The following GPC5 variants were observed in gnomAD, a reference collection of about 807,000 sequenced individuals.
GPC5 encodes glypican-5.
GPC5 carries 47 observed loss-of-function variants against 53.9 expected under a neutral mutation model. That is an observed-to-expected ratio of 0.87 (90% CI 0.69 to 1.11). The LOEUF (loss-of-function observed/expected upper bound fraction) is 1.11. Ranked by LOEUF, GPC5 falls within the 50% of genes most tolerant of loss-of-function variation. The pLI, the probability that GPC5 is intolerant of heterozygous loss-of-function variation, is 0.00. For missense variants in GPC5, 748 were observed against 713.1 expected (o/e 1.05, Z -0.56); for synonymous variants, 286 against 263.3 (o/e 1.09, Z -0.84).
At chr13:92,455,257 T>A (rs1332966136) in intron 7 of GPC5, among the ~76,000 whole-genome samples, 1 of 152,170 alleles carries the variant, frequency 6.6e-6, no homozygotes, top group Non-Finnish European at 1.5e-5. Flanking sequence ...CTATGACCAT[T>A]CATAAATATA....
intron 7 of GPC5, among the ~76,000 whole-genome samples, chr13:92,768,957 C>A (rs920667274): frequency 2.6e-5 from 4 of 152,090 alleles, no homozygotes; most frequent in African/African-American, 9.7e-5. Flanking sequence ...CCATAGATCA[C>A]CCGTGCTGAC....
chr13:91,446,356 C>G (rs1880802504), intron 1 of GPC5, among the ~76,000 whole-genome samples: 1 of 152,152 alleles, frequency 6.6e-6, no homozygotes, highest in South Asian at 2.1e-4. Context: ...TTGAAGTCTC[C>G]TTCATTGAGG....
At chr13:92,159,441 T>G (rs191697944) in intron 7 of GPC5, among the ~76,000 whole-genome samples, 1 of 152,230 alleles carries the variant, frequency 6.6e-6, no homozygotes, top group African/African-American at 2.4e-5. Context: ...GGGCGGGGAC[T>G]CAGGTATGAG....
At chr13:91,546,520 T>C (rs538692386) in intron 2 of GPC5, among the ~76,000 whole-genome samples, 2 of 152,100 alleles carry the variant, frequency 1.3e-5, no homozygotes, top group East Asian at 3.9e-4. Context: ...TTTTAATCAA[T>C]TTTTTAAAAT....
intron 7 of GPC5, among the ~76,000 whole-genome samples, chr13:92,290,809 C>T (rs539333803): frequency 4.2e-4 from 64 of 152,328 alleles, no homozygotes; most frequent in Middle Eastern, 3.4e-3. Context: ...CCCTTCAGCC[C>T]GCTGCTGCAC....
At chr13:92,269,436 C>T (rs1249320136) in intron 7 of GPC5, among the ~76,000 whole-genome samples, 1 of 151,714 alleles carries the variant, frequency 6.6e-6, no homozygotes, top group Non-Finnish European at 1.5e-5. Flanking sequence ...GACAGAGTCT[C>T]GCTCTGTCGT....
At position 92,456,156 on chromosome 13, in the gene GPC5, T is replaced by C. The variant is rs1031702775; in HGVS notation, c.1561+311167T>C. Among the ~76,000 whole-genome samples the C allele has an allele frequency of 4.0e-4, 61 of 151,780 alleles. 1 individual carries two copies. Among genetic ancestry groups the C allele is most frequent in the African/African-American group, 1.4e-3 (58 of 41,282 alleles). On this transcript the variant is annotated intron_variant, in intron 7 of 7. Transcript: ENST00000377067. ...GTGTTGATGTCGGCCAAAAGTTGATTTTCCCAGATAGTGACTGCCACATTC... is the reference window on the plus strand; with the variant it reads ...GTGTTGATGTCGGCCAAAAGTTGATCTTCCCAGATAGTGACTGCCACATTC...
intron 6 of GPC5, among the ~76,000 whole-genome samples, chr13:92,117,302 G>C (rs2041609243): frequency 6.6e-6 from 1 of 152,068 alleles, no homozygotes; most frequent in South Asian, 2.1e-4. Flanking sequence ...CTATATTTGT[G>C]TAATTTTATT....
intron 7 of GPC5, among the ~76,000 whole-genome samples, chr13:92,381,947 T>TCATATATATGATATATATA (rs2043750833): frequency 8.9e-6 from 1 of 112,390 alleles, no homozygotes; most frequent in African/African-American, 4.4e-5. Flanking sequence ...TATGAAATAA[T>TCATATATATGATATATATA]ATCTATGTAT....
chr13:91,581,798 C>T (rs1340422159), intron 2 of GPC5, among the ~76,000 whole-genome samples: 1 of 152,030 alleles, frequency 6.6e-6, no homozygotes, highest in Non-Finnish European at 1.5e-5. Context: ...GTCTCACACA[C>T]ACACCCACAC....
intron 7 of GPC5, among the ~76,000 whole-genome samples, chr13:92,609,567 A>G (rs186749196): frequency 3.9e-5 from 6 of 152,296 alleles, no homozygotes; most frequent in African/African-American, 1.4e-4. Flanking sequence ...AATGGACCTG[A>G]ACCAGTGCCA....
chr13:91,924,683 G>A (rs2039749607), intron 6 of GPC5, among the ~76,000 whole-genome samples: 1 of 152,150 alleles, frequency 6.6e-6, no homozygotes, highest in African/African-American at 2.4e-5. Flanking sequence ...TGAGGTTGTG[G>A]TGAGCCGTGA....
At chr13:92,650,055 A>G (rs17267242) in intron 7 of GPC5, among the ~76,000 whole-genome samples, 41,089 of 152,006 alleles carry the variant, frequency 0.27, 6,052 homozygotes, top group South Asian at 0.39. Flanking sequence ...GTTTCTCATC[A>G]TAAGTTCACC....
intron 7 of GPC5, among the ~76,000 whole-genome samples, chr13:92,846,221 C>G (rs542907195): frequency 6.6e-6 from 1 of 152,196 alleles, no homozygotes; most frequent in South Asian, 2.1e-4. Context: ...ACCATCAGCT[C>G]TAGTGAGAAC....
chr13:92,419,957 C>T (rs772532748), intron 7 of GPC5, among the ~76,000 whole-genome samples: 1 of 152,102 alleles, frequency 6.6e-6, no homozygotes, highest in Non-Finnish European at 1.5e-5. Flanking sequence ...GACCTGCTGT[C>T]AAAACTCCAG....
chr13:92,331,793 C>T (rs979511327), intron 7 of GPC5, among the ~76,000 whole-genome samples: 3 of 152,028 alleles, frequency 2.0e-5, no homozygotes, highest in Non-Finnish European at 2.9e-5. Context: ...ATTTAAGCCA[C>T]GGTTGCAGAT....
chr13:91,611,416 C>A (rs1468632300), intron 2 of GPC5, among the ~76,000 whole-genome samples: 5 of 152,142 alleles, frequency 3.3e-5, no homozygotes, highest in Non-Finnish European at 5.9e-5. Context: ...CTTCAGCTGT[C>A]ATAGTTGGCT....
chr13:91,558,257 C>T (rs1180802233), intron 2 of GPC5, among the ~76,000 whole-genome samples: 2 of 151,920 alleles, frequency 1.3e-5, no homozygotes, highest in Non-Finnish European at 2.9e-5. Context: ...CATCTGGGAG[C>T]AGGTAATTCC....
intron 6 of GPC5, among the ~76,000 whole-genome samples, chr13:92,067,783 A>G (rs1198928725): frequency 6.6e-6 from 1 of 152,012 alleles, no homozygotes; most frequent in Non-Finnish European, 1.5e-5. Context: ...GTATCTGTGT[A>G]TGTGTCTATA....
Sources: allele counts gnomAD v4.1 joint callset (sites outside exome capture counted in the v4.1 genomes callset), GRCh38; gene constraint gnomAD v4.1.1; transcripts MANE v1.5; gene names NCBI Gene and HGNC (gene_info 2026-07-23, HGNC 2026-07-21).